SNX25: variants seen among roughly 807,000 people sequenced by gnomAD.
SNX25 encodes sorting nexin 25.
Under a neutral mutation model 113.7 loss-of-function variants are expected in SNX25, and 62 were observed. That is an observed-to-expected ratio of 0.55 (90% CI 0.44 to 0.67). The LOEUF (loss-of-function observed/expected upper bound fraction) is 0.67, where lower values mean the gene tolerates loss of function less well. Among genes scored for constraint, SNX25 ranks in the 30% least tolerant of loss-of-function variants. The probability of loss-of-function intolerance (pLI) is 0.00; values close to 1 mark genes in which losing one functional copy is unlikely to be tolerated. For missense variants in SNX25, 1,014 were observed against 1,161.0 expected (o/e 0.87, Z 1.84); for synonymous variants, 421 against 436.2 (o/e 0.97, Z 0.43).
At chr4:185,223,650 G>A (rs6857390) in intron 1 of SNX25, among the ~76,000 whole-genome samples, 78,277 of 151,638 alleles carry the variant, frequency 0.52, 20,713 homozygotes, top group East Asian at 0.75. Context: ...GCGTGGTGGC[G>A]GGCACCTGTA....
intron 15 of SNX25, among the ~76,000 whole-genome samples, chr4:185,354,567 A>G (rs927360359): frequency 1.1e-4 from 17 of 152,200 alleles, no homozygotes; most frequent in African/African-American, 4.1e-4. Context: ...GGAGTTGAGA[A>G]ATCCTACCCT....
At chr4:185,308,980 C>A (rs1754878207) in intron 6 of SNX25, among the ~76,000 whole-genome samples, 1 of 152,182 alleles carries the variant, frequency 6.6e-6, no homozygotes. Context: ...TTAACAACAG[C>A]CATTTATTTT....
At chr4:185,239,315 C>T (rs1203576149) in intron 1 of SNX25, among the ~76,000 whole-genome samples, 3 of 151,928 alleles carry the variant, frequency 2.0e-5, no homozygotes, top group Non-Finnish European at 2.9e-5. Flanking sequence ...AACTCCGTCT[C>T]TACTAAAAAT....
At chr4:185,267,217 G>C in intron 5 of SNX25, 62 bp downstream of exon 5, 1 of 1,428,502 alleles carries the variant, frequency 7.0e-7, no homozygotes, top group Admixed American at 2.3e-5. Flanking sequence ...GCCTAGTTAG[G>C]TTAAAAAAAA....
chr4:185,256,708 C>G (rs989360245), intron 2 of SNX25, among the ~76,000 whole-genome samples: 2 of 151,136 alleles, frequency 1.3e-5, no homozygotes, highest in African/African-American at 4.9e-5. Context: ...TCACTGCAAC[C>G]TCCACCTCCC....
intron 12 of SNX25, among the ~76,000 whole-genome samples, chr4:185,342,418 A>G (rs1051493863): frequency 6.6e-6 from 1 of 152,260 alleles, no homozygotes; most frequent in African/African-American, 2.4e-5. Flanking sequence ...TCTTGATGGT[A>G]GTGAAATCAG....
At chr4:185,314,129 A>G (rs1225790927) in intron 7 of SNX25, among the ~76,000 whole-genome samples, 1 of 152,092 alleles carries the variant, frequency 6.6e-6, no homozygotes, top group African/African-American at 2.4e-5. Flanking sequence ...TCAAGGGTCA[A>G]CTGTACTTTT....
At chr4:185,310,882 A>G in intron 7 of SNX25, 66 bp downstream of exon 7, 3 of 1,447,462 alleles carry the variant, frequency 2.1e-6, no homozygotes, top group Middle Eastern at 2.5e-4. Flanking sequence ...AGAACTACAT[A>G]TAAAGACTTT....
chr4:185,289,522 A>G (rs1292932879), intron 6 of SNX25, among the ~76,000 whole-genome samples: 1 of 152,158 alleles, frequency 6.6e-6, no homozygotes, highest in African/African-American at 2.4e-5. Context: ...GAGAAGCCAA[A>G]CACGAGCTCA....
intron 12 of SNX25, among the ~76,000 whole-genome samples, chr4:185,343,254 A>G (rs1377881924): frequency 1.3e-5 from 2 of 152,220 alleles, no homozygotes; most frequent in Admixed American, 1.3e-4. Context: ...GAATACTAAT[A>G]GTGCCTACCT....
chr4:185,223,175 T>G (rs892394450), intron 1 of SNX25, among the ~76,000 whole-genome samples: 1 of 152,178 alleles, frequency 6.6e-6, no homozygotes, highest in Non-Finnish European at 1.5e-5. Context: ...CTTAGCAACC[T>G]CATCTTGACT....
Position 185,323,637 on chromosome 4 carries a change from G to T in SNX25, c.1586G>T (p.Gly529Val). The change falls in exon 9 of 19, where the codon GGA (glycine) becomes GTA (valine). Residue 529 changes from glycine (G) to valine (V), a missense_variant. By Grantham distance (109) the Gly-to-Val change is moderately radical. Transcript: ENST00000652585. Reference sequence around the variant, plus strand: ...AAAGAAATTCAGCAGTGTCTTGTAGGAAATAAAGGTATTGAAGTATTCTAC... The same window carrying T: ...AAAGAAATTCAGCAGTGTCTTGTAGTAAATAAAGGTATTGAAGTATTCTAC... ...LYKEIQQCLV[G>V]NKGIEVFYKI... is the part of the protein sequence containing the mutation. The T allele has an allele frequency of 1.9e-6, 3 of 1,613,646 alleles. No homozygotes were observed. The highest frequency in any genetic ancestry group is 2.5e-6 in the Non-Finnish European group (3 of 1,179,762).
At chr4:185,244,003 C>G (rs1579448179) in intron 1 of SNX25, among the ~76,000 whole-genome samples, 1 of 152,234 alleles carries the variant, frequency 6.6e-6, no homozygotes, top group Admixed American at 6.5e-5. Context: ...CAACTCCTTT[C>G]TTTCTTTTTT....
At chr4:185,338,678 A>C (rs1322898770) in intron 10 of SNX25, among the ~76,000 whole-genome samples, 2 of 152,204 alleles carry the variant, frequency 1.3e-5, no homozygotes, top group Non-Finnish European at 2.9e-5. Context: ...GGTGGCAAGG[A>C]TCCAGCTTCA....
downstream of SNX25, chr4:185,372,887 A>C: frequency 6.2e-7 from 1 of 1,609,356 alleles, no homozygotes; most frequent in East Asian, 2.2e-5. Context: ...TTTGTAAAAA[A>C]TTTCATCTTA....
intron 1 of SNX25, among the ~76,000 whole-genome samples, chr4:185,220,731 C>A (rs1320079474): frequency 1.3e-5 from 2 of 152,106 alleles, no homozygotes; most frequent in Non-Finnish European, 2.9e-5. Context: ...CCGCCCACCT[C>A]GGCCTCCCAA....
intron 5 of SNX25, among the ~76,000 whole-genome samples, chr4:185,277,412 G>C (rs1287908694): frequency 6.6e-6 from 1 of 152,166 alleles, no homozygotes; most frequent in Non-Finnish European, 1.5e-5. Context: ...AGGAACGGTG[G>C]AGAAGAGTGG....
At chr4:185,288,339 C>CA (rs1360180016) in intron 6 of SNX25, among the ~76,000 whole-genome samples, 1 of 152,098 alleles carries the variant, frequency 6.6e-6, no homozygotes, top group African/African-American at 2.4e-5. Flanking sequence ...AGGCTAAAAT[C>CA]ATTCAGTATA....
At chr4:185,287,562 G>A (rs1321077088) in intron 5 of SNX25, among the ~76,000 whole-genome samples, 1 of 152,178 alleles carries the variant, frequency 6.6e-6, no homozygotes, top group African/African-American at 2.4e-5. Context: ...CACAGGTACC[G>A]TGGAGCATTT....
Sources: gnomAD v4.1 joint callset for allele counts (sites outside exome capture counted in the v4.1 genomes callset) on GRCh38, gnomAD v4.1.1 for gene constraint, MANE v1.5 for transcripts, NCBI Gene and HGNC (gene_info 2026-07-23, HGNC 2026-07-21) for gene names.